BTBD8: variants seen among roughly 807,000 people sequenced by gnomAD.
BTBD8 encodes BTB domain containing 8, also known as BTB/POZ domain-containing protein 8.
In BTBD8, 110 loss-of-function variants were observed where a neutral mutation model predicts 162.9. The observed-to-expected ratio is 0.68, with a 90% confidence interval of 0.58 to 0.79. The LOEUF is 0.79. Ranked by LOEUF, BTBD8 falls within the 30% of genes least tolerant of loss-of-function variation. The pLI, the probability that BTBD8 is intolerant of heterozygous loss-of-function variation, is 0.00. For missense variants in BTBD8, 1,905 were observed against 2,085.4 expected (o/e 0.91, Z 1.68); for synonymous variants, 667 against 716.1 (o/e 0.93, Z 1.10).
intron 2 of BTBD8, among the ~76,000 whole-genome samples, chr1:92,100,811 A>G (rs189666007): frequency 2.8e-3 from 427 of 152,194 alleles, no homozygotes; most frequent in Admixed American, 7.1e-3. Flanking sequence ...GGGTTTCACC[A>G]TGTTGGGCAG....
intron 9 of BTBD8, among the ~76,000 whole-genome samples, chr1:92,152,716 C>T (rs1247683259): frequency 1.3e-5 from 2 of 151,992 alleles, no homozygotes; most frequent in East Asian, 1.9e-4. Flanking sequence ...ATAAGCCCAT[C>T]AAACTATGCC....
At chr1:92,144,536 G>A (rs1649862748) in intron 7 of BTBD8, among the ~76,000 whole-genome samples, 1 of 151,138 alleles carries the variant, frequency 6.6e-6, no homozygotes, top group African/African-American at 2.4e-5. Context: ...GGCCTGGTGT[G>A]GAGGCTCATG....
chr1:92,080,444 AC>A lies in BTBD8; in HGVS notation c.-126del. 7.2e-7 allele frequency: 1 copy of A among 1,389,452 alleles called. No homozygotes were observed. 86.1% of individuals were successfully genotyped at this position (1,389,452 alleles called of 1,614,324 possible). On this transcript the variant is annotated 5_prime_UTR_variant, in exon 1 of 18. Transcript: ENST00000636805. ...GTCTACAAACCGACGAGAGGCGTCA[AC>A]CTTTTACCCTAGGGGGCGGATTTGG... is the stretch of plus-strand genomic sequence containing the variant.
At chr1:92,110,279 C>T (rs1156346028) in intron 4 of BTBD8, among the ~76,000 whole-genome samples, 3 of 152,182 alleles carry the variant, frequency 2.0e-5, no homozygotes, top group Non-Finnish European at 4.4e-5. Context: ...AATCTGCATG[C>T]GTTTTAATTC....
At chr1:92,149,948 G>A (rs924963986) in intron 9 of BTBD8, among the ~76,000 whole-genome samples, 6 of 152,024 alleles carry the variant, frequency 3.9e-5, no homozygotes, top group Non-Finnish European at 5.9e-5. Flanking sequence ...CCAACATTAC[G>A]TCCATCTTTC....
intron 9 of BTBD8, among the ~76,000 whole-genome samples, chr1:92,162,996 A>C (rs532304996): frequency 2.0e-5 from 3 of 152,262 alleles, no homozygotes; most frequent in South Asian, 2.1e-4. Flanking sequence ...TGACATGGCT[A>C]TTAAAACAAA....
Position 92,180,714 on chromosome 1 carries a change from G to C in BTBD8, c.3031G>C (p.Asp1011His). 6.4e-7 allele frequency: 1 copy of C among 1,551,646 alleles called. No individual in the cohort carries two copies. The highest frequency in any genetic ancestry group is 8.7e-7 in the Non-Finnish European group (1 of 1,147,004). ...AEALQSSCRPDPQKPLNDQEK... is the reference protein window; with the variant it reads ...AEALQSSCRPHPQKPLNDQEK... ...AGCACTCCAGTCATCCTGCAGGCCT[G>C]ACCCACAAAAGCCATTAAACGATCA... Residue 1011 changes from aspartate (D) to histidine (H), a missense_variant, in exon 17 of 18, where the codon GAC becomes CAC. Coordinates refer to ENST00000636805, the MANE Select transcript of BTBD8 (RefSeq NM_001376131.1).
chr1:92,174,532 G>C (rs1167487002), intron 13 of BTBD8, among the ~76,000 whole-genome samples: 5 of 152,138 alleles, frequency 3.3e-5, no homozygotes, highest in Admixed American at 6.5e-5. Flanking sequence ...ATAAATTCAA[G>C]GATAGAATAA....
intron 1 of BTBD8, among the ~76,000 whole-genome samples, chr1:92,088,287 TTAAG>T (rs1222873371): frequency 2.6e-5 from 4 of 152,194 alleles, no homozygotes; most frequent in South Asian, 4.1e-4. Context: ...TTGCTTCAAT[TTAAG>T]TAAGATTTTA....
rs551259306 is a variant in BTBD8, at chr1:92,102,270, C to T, written c.348-203C>T. Among the ~76,000 whole-genome samples, 10 of 152,216 alleles carry T rather than the reference C, an allele frequency of 6.6e-5. No homozygotes were observed. The South Asian group carries it at 1.0e-3, about 16-fold the overall frequency. The stretch of plus-strand genomic sequence containing the variant: ...CTGACCTCAAATGGTCTCCCCACCT[C>T]GGCCTCCCAAAGTGCTGGGATTACA... On this transcript the variant is annotated intron_variant, in intron 2 of 17. Coordinates refer to ENST00000636805, the MANE Select transcript of BTBD8 (RefSeq NM_001376131.1).
In BTBD8 at chr1:92,089,015, T is replaced by A. The variant is rs1648231494; in HGVS notation, c.347+120T>A. 18 of 955,512 alleles carry A rather than the reference T, an allele frequency of 1.9e-5. No homozygotes were observed. The South Asian group carries it at 3.4e-4, about 18-fold the overall frequency. The allele number at this position is 955,512 out of a possible 1,614,324, so 59.2% of individuals were successfully genotyped here. A position where few individuals can be genotyped will look rare whatever the true frequency, so the allele number is the denominator to read the frequency against. ...ACCTGATAAGAAAAATCCATTCACT[T>A]AAATTCCAAATTATCTTAGTAATTA... is the stretch of plus-strand genomic sequence containing the variant. On this transcript the variant is annotated intron_variant, in intron 2 of 17. Transcript: ENST00000636805.
intron 9 of BTBD8, among the ~76,000 whole-genome samples, chr1:92,154,446 G>A (rs189258817): frequency 9.9e-5 from 15 of 152,246 alleles, no homozygotes; most frequent in Admixed American, 3.3e-4. Flanking sequence ...ACCAAAACTT[G>A]TTATCTTTTA....
rs146853500 is a variant in BTBD8, at chr1:92,147,487, T to C, written c.1020-197T>C. Among the ~76,000 whole-genome samples the C allele has an allele frequency of 2.5e-3, 380 of 152,334 alleles. 3 individuals carry two copies. The highest frequency in any genetic ancestry group is 0.01 in the Middle Eastern group (3 of 294). On this transcript the variant is annotated intron_variant, in intron 8 of 17. Transcript: ENST00000636805. ...ATCTTAGCTGAACCATGGTTAATTATGTTAAAATCTGTGCACATGGATTTA... is the reference window on the plus strand; with the variant it reads ...ATCTTAGCTGAACCATGGTTAATTACGTTAAAATCTGTGCACATGGATTTA...
At chr1:92,144,120 C>A (rs535041874) in intron 7 of BTBD8, among the ~76,000 whole-genome samples, 8 of 150,754 alleles carry the variant, frequency 5.3e-5, no homozygotes, top group Non-Finnish European at 1.2e-4. Context: ...ACTACAGACG[C>A]GTGCCACCAT....
intron 4 of BTBD8, among the ~76,000 whole-genome samples, chr1:92,126,717 C>T (rs1015401790): frequency 6.6e-6 from 1 of 152,188 alleles, no homozygotes; most frequent in Admixed American, 6.5e-5. Flanking sequence ...AGCATTCAAC[C>T]TCTGAGCAGT....
chr1:92,088,811 T>G lies in BTBD8; in HGVS notation c.263T>G (p.Ile88Ser), dbSNP rs1339869826. 6.2e-7 allele frequency: 1 copy of G among 1,613,406 alleles called. No individual in the cohort carries two copies. Among genetic ancestry groups the G allele is most frequent in the East Asian group, 2.2e-5 (1 of 44,760 alleles). ...GTTCCTGACTTCTATTTTCATACTA[T>G]TGGACAGACATCAAATAGTTTAACA... is the stretch of plus-strand genomic sequence containing the variant. ...ARVPDFYFHTIGQTSNSLTNQ... is the reference protein window; with the variant it reads ...ARVPDFYFHTSGQTSNSLTNQ... The change falls in exon 2 of 18, where the codon ATT becomes AGT. Residue 88 changes from isoleucine (I) to serine (S), a missense_variant. By Grantham distance (142) the Ile-to-Ser change is moderately radical. Transcript: ENST00000636805.
In BTBD8 at chr1:92,181,304, A is replaced by G; in HGVS notation, c.3621A>G (p.Ser1207=). Residue 1207 remains serine (S), a synonymous_variant, in exon 17 of 18, where the codon TCA becomes TCG. Coordinates refer to ENST00000636805, the MANE Select transcript of BTBD8 (RefSeq NM_001376131.1). ...VSSKCFSGQL[S]EKNSPKNMET... ...CCAAGTGTTTTTCGGGACAGCTATC[A>G]GAAAAAAATTCTCCTAAAAATATGG... The G allele has an allele frequency of 6.4e-7, 1 of 1,551,514 alleles. No individual in the cohort carries two copies. Among genetic ancestry groups the G allele is most frequent in the Non-Finnish European group, 8.7e-7 (1 of 1,146,954 alleles).
chr1:92,150,987 A>G (rs1396812328), intron 9 of BTBD8: 1 of 152,242 alleles, frequency 6.6e-6, no homozygotes, highest in Admixed American at 6.5e-5. Context: ...AGACTGGGTT[A>G]CATAGAAGAT....
At chr1:92,085,384 G>A (rs1168930723) in intron 1 of BTBD8, among the ~76,000 whole-genome samples, 1 of 152,030 alleles carries the variant, frequency 6.6e-6, no homozygotes, top group Non-Finnish European at 1.5e-5. Flanking sequence ...TTGAGGTCAG[G>A]AGTTTGAGAC....
Sources: allele counts gnomAD v4.1 joint callset (sites outside exome capture counted in the v4.1 genomes callset), GRCh38; gene constraint gnomAD v4.1.1; transcripts MANE v1.5; gene names NCBI Gene and HGNC (gene_info 2026-07-23, HGNC 2026-07-21).